Variants in ZFYVE28 observed in about 807,000 individuals in gnomAD.
ZFYVE28 encodes the protein lateral signaling target protein 2 homolog.
A neutral mutation model predicts 82.1 loss-of-function variants in ZFYVE28; 40 were observed. The observed-to-expected ratio is 0.49, with a 90% confidence interval of 0.38 to 0.63. ZFYVE28 has a LOEUF of 0.63. Ranked by LOEUF, ZFYVE28 falls within the 30% of genes least tolerant of loss-of-function variation. The pLI, the probability that ZFYVE28 is intolerant of heterozygous loss-of-function variation, is 0.00. For synonymous variants in ZFYVE28, 612 were observed against 546.1 expected (o/e 1.12, Z -1.68); for missense variants, 1,321 against 1,242.1 (o/e 1.06, Z -0.96).
At chr4:2,288,573 T>A (rs945065239) in intron 8 of ZFYVE28, among the ~76,000 whole-genome samples, 3 of 152,146 alleles carry the variant, frequency 2.0e-5, no homozygotes, top group African/African-American at 7.2e-5. Context: ...CCAAGCTGGG[T>A]TGGTGAGTCA....
At chr4:2,397,471 CAAAA>C (rs35358830) in intron 1 of ZFYVE28, among the ~76,000 whole-genome samples, 2 of 98,252 alleles carry the variant, frequency 2.0e-5, no homozygotes, top group Non-Finnish European at 2.0e-5. Context: ...GACTCGGTCT[CAAAA>C]AAAAAAAAAA....
chr4:2,270,589 G>A lies in ZFYVE28; in HGVS notation c.*136C>T. ...CTAGCGTGGGCAGGACAGAGGCTCTGGATGCTCTGGAGGTCTGGGTGCCCC... is the reference window on the plus strand; with the variant it reads ...CTAGCGTGGGCAGGACAGAGGCTCTAGATGCTCTGGAGGTCTGGGTGCCCC... On this transcript the variant is annotated 3_prime_UTR_variant, in exon 13 of 13. Coordinates refer to ENST00000290974, the MANE Select transcript of ZFYVE28 (RefSeq NM_020972.3). 2.3e-6 allele frequency: 3 copies of A among 1,304,676 alleles called. No homozygotes were observed. In the Admixed American group the frequency reaches 6.2e-5, roughly 27 times the overall value. The allele number at this position is 1,304,676 out of a possible 1,614,324, so 80.8% of individuals were successfully genotyped here.
intron 1 of ZFYVE28, among the ~76,000 whole-genome samples, chr4:2,365,457 G>C (rs938059124): frequency 6.6e-6 from 1 of 152,070 alleles, no homozygotes; most frequent in Admixed American, 6.5e-5. Flanking sequence ...CAGGGTCTGC[G>C]CCAGTCACCC....
At chr4:2,388,667 G>A (rs532035613) in intron 1 of ZFYVE28, among the ~76,000 whole-genome samples, 3 of 152,262 alleles carry the variant, frequency 2.0e-5, no homozygotes, top group African/African-American at 4.8e-5. Flanking sequence ...GGTGGATGAC[G>A]GTGGTGCTGC....
rs111515154 is a variant in ZFYVE28, at chr4:2,376,776, T to C, written c.40-22703A>G. ...TGGGTGGGGACACAAAGCCAAACCA[T>C]ATCACTGGGTATGGTGACATGACCC... On this transcript the variant is annotated intron_variant, in intron 1 of 12. Transcript: ENST00000290974. Among the ~76,000 whole-genome samples the C allele has an allele frequency of 6.7e-3, 1,012 of 152,040 alleles. 14 individuals are homozygous for C. The highest frequency in any genetic ancestry group is 0.023 in the African/African-American group (956 of 41,476).
chr4:2,274,265 G>GC, intron 8 of ZFYVE28, 49 bp from the exon 9 acceptor site: 1 of 1,585,718 alleles, frequency 6.3e-7, no homozygotes, highest in Non-Finnish European at 8.6e-7. Context: ...ATGATAAGGG[G>GC]CCGTGGAGCC....
At chr4:2,343,224 T>G (rs1191718835) in intron 2 of ZFYVE28, 2 of 152,190 alleles carry the variant, frequency 1.3e-5, no homozygotes, top group Non-Finnish European at 2.9e-5. Context: ...AATTACAATG[T>G]CAAAAGTGCA....
intron 8 of ZFYVE28, among the ~76,000 whole-genome samples, chr4:2,284,041 C>T (rs1712363170): frequency 1.3e-5 from 2 of 152,214 alleles, no homozygotes; most frequent in Non-Finnish European, 1.5e-5. Flanking sequence ...CTGTAGGCTA[C>T]ACTTGAGGGA....
At position 2,409,167 on chromosome 4, in the gene ZFYVE28, T is replaced by C. The variant is rs1246787891; in HGVS notation, c.39+9118A>G. On this transcript the variant is annotated intron_variant, in intron 1 of 12. Transcript: ENST00000290974. This position sits in a 1 kb window ranked among gnomAD's most constrained non-coding sequence, Gnocchi z 4.4. ...CCAAACCCCTACTTCTGCACCCCCA[T>C]CTCCACCCTCCACCTCGCAGCTCCT... Among the ~76,000 whole-genome samples, 5 of 144,060 alleles carry C rather than the reference T, an allele frequency of 3.5e-5. No individual in the cohort carries two copies. In the East Asian group the frequency reaches 1.0e-3, roughly 30 times the overall value. 94.5% of individuals were successfully genotyped at this position (144,060 alleles called of 152,430 possible).
intron 1 of ZFYVE28, among the ~76,000 whole-genome samples, chr4:2,395,754 C>A (rs1261897538): frequency 1.3e-5 from 2 of 152,192 alleles, no homozygotes; most frequent in African/African-American, 4.8e-5. Flanking sequence ...CAGGGACAGC[C>A]TTTGACCGCG....
At chr4:2,350,443 G>A (rs184222343) in intron 2 of ZFYVE28, among the ~76,000 whole-genome samples, 16 of 151,528 alleles carry the variant, frequency 1.1e-4, no homozygotes, top group East Asian at 1.9e-4. Flanking sequence ...CAGCCTGGGC[G>A]ACAGAGCGAG....
chr4:2,309,087 T>C (rs2108828324), intron 7 of ZFYVE28, among the ~76,000 whole-genome samples: 1 of 152,252 alleles, frequency 6.6e-6, no homozygotes, highest in African/African-American at 2.4e-5. Context: ...AATGTGGTGG[T>C]GTTTAGAGGT....
In ZFYVE28 at chr4:2,304,647, C is replaced by T. The variant is rs754686050; in HGVS notation, c.1693G>A (p.Val565Met). ...CTGTCCCCGCAGCTCCCACAGCACA[C>T]GCAGGAATGCAGAAGGCAGTTGGTG... ...GATNCLLHSC[V>M]CCGSCGDSRE... Residue 565 changes from valine (V) to methionine (M), a missense_variant, in exon 8 of 13, where the codon GTG becomes ATG. Val to Met is a conservative substitution (Grantham distance 21, BLOSUM62 1). Coordinates refer to ENST00000290974, the MANE Select transcript of ZFYVE28 (RefSeq NM_020972.3). 19 of 1,612,618 alleles carry T rather than the reference C, an allele frequency of 1.2e-5. No individual in the cohort carries two copies. The highest frequency in any genetic ancestry group is 9.9e-5 in the South Asian group (9 of 91,068).
At chr4:2,367,101 A>G (rs1345083801) in intron 1 of ZFYVE28, among the ~76,000 whole-genome samples, 1 of 152,198 alleles carries the variant, frequency 6.6e-6, no homozygotes, top group East Asian at 1.9e-4. Flanking sequence ...AAACGAATGA[A>G]CTGCACAGCC....
chr4:2,306,725 T>C (rs1282709624), intron 7 of ZFYVE28, among the ~76,000 whole-genome samples: 3 of 152,226 alleles, frequency 2.0e-5, no homozygotes, highest in Non-Finnish European at 4.4e-5. Flanking sequence ...TTATCTGAAA[T>C]TCTAACTGAA....
chr4:2,400,661 A>G (rs1181393119), intron 1 of ZFYVE28, among the ~76,000 whole-genome samples: 1 of 152,206 alleles, frequency 6.6e-6, no homozygotes, highest in Non-Finnish European at 1.5e-5. Flanking sequence ...AGTCCCAAAC[A>G]GAAGAACCTG....
intron 8 of ZFYVE28, among the ~76,000 whole-genome samples, 171 bp from the exon 9 acceptor site, chr4:2,274,387 C>T (rs1398306236): frequency 6.6e-6 from 1 of 152,198 alleles, no homozygotes; most frequent in Non-Finnish European, 1.5e-5. Context: ...AAAATGTCCT[C>T]AGTGTAACAT....
At chr4:2,286,511 A>G (rs11722299) in intron 8 of ZFYVE28, 104,143 of 152,318 alleles carry the variant, frequency 0.68, 37,061 homozygotes, top group African/African-American at 0.88. Context: ...CGCAGTCCAC[A>G]GCACCTGGAT....
chr4:2,390,494 G>A (rs955129819), intron 1 of ZFYVE28, among the ~76,000 whole-genome samples: 2 of 152,170 alleles, frequency 1.3e-5, no homozygotes, highest in African/African-American at 2.4e-5. Context: ...ACCCCATGTC[G>A]GGGGCTCAGG....
Sources: allele counts gnomAD v4.1 joint callset (sites outside exome capture counted in the v4.1 genomes callset), GRCh38; gene constraint gnomAD v4.1.1; non-coding constraint Gnocchi (gnomAD v3.1); transcripts MANE v1.5; gene names NCBI Gene and HGNC (gene_info 2026-07-23, HGNC 2026-07-21).